DHRS7B: variants seen among roughly 807,000 people sequenced by gnomAD.
DHRS7B encodes the protein peroxisomal reductase activating PPAR-gamma.
DHRS7B carries 24 observed loss-of-function variants against 26.4 expected under a neutral mutation model. That is an observed-to-expected ratio of 0.91 (90% confidence interval 0.66 to 1.28). The LOEUF (loss-of-function observed/expected upper bound fraction) is 1.28, where lower values mean the gene tolerates loss of function less well. DHRS7B is among the 50% of genes most tolerant of loss of function. The pLI is 0.00. For missense variants in DHRS7B, 368 were observed against 419.4 expected, an observed-to-expected ratio of 0.88 and a Z score of 1.07; for synonymous variants, 142 against 166.4, an observed-to-expected ratio of 0.85 and a Z score of 1.13.
Position 21,141,351 on chromosome 17 carries a change from A to G in DHRS7B, c.20+14360A>G, listed in dbSNP as rs201157746. On this transcript the variant is annotated intron_variant, in intron 1 of 6. Coordinates refer to ENST00000395511, the MANE Select transcript of DHRS7B (RefSeq NM_015510.5). ...ATGCACACAGAAAAACTGAATTAAC[A>G]TTAAATTTGAGAGAAAAAGCAATAG... Among the ~76,000 whole-genome samples, 6 of 152,244 alleles carry G rather than the reference A, an allele frequency of 3.9e-5. No homozygotes were observed. In the East Asian group the frequency reaches 7.7e-4, roughly 20 times the overall value.
intron 3 of DHRS7B, among the ~76,000 whole-genome samples, chr17:21,179,037 T>C (rs1406346898): frequency 6.6e-6 from 1 of 152,190 alleles, no homozygotes. Context: ...CTTGAACTCC[T>C]GGGCTCAAGT....
Position 21,139,146 on chromosome 17 carries a change from T to C in DHRS7B, c.20+12155T>C, listed in dbSNP as rs545673695. On this transcript the variant is annotated intron_variant, in intron 1 of 6. Coordinates refer to ENST00000395511, the MANE Select transcript of DHRS7B (RefSeq NM_015510.5). ...TTTGAAACAAAGATGATAACAGTCCTTTCCCAAAAGAAACCTCCTTATTGC... is the reference window on the plus strand; with the variant it reads ...TTTGAAACAAAGATGATAACAGTCCCTTCCCAAAAGAAACCTCCTTATTGC... Among the ~76,000 whole-genome samples, 28 of 152,324 alleles carry C rather than the reference T, an allele frequency of 1.8e-4. No individual in the cohort carries two copies. In the South Asian group the frequency reaches 5.8e-3, roughly 32 times the overall value.
rs1974586618 is a variant in DHRS7B, at chr17:21,184,463, TGTGAGTAC to T, written c.619+1_619+8del. The T allele has an allele frequency of 6.2e-6, 10 of 1,613,064 alleles. No individual in the cohort carries two copies. The highest frequency in any genetic ancestry group is 8.5e-6 in the Non-Finnish European group (10 of 1,179,586). On this transcript the variant is annotated splice_donor_variant and splice_donor_5th_base_variant and intron_variant, in intron 5 of 6. Transcript: ENST00000395511. LOFTEE classifies it high-confidence loss of function. ...GATGAGCATTCCTTTTCGATCAGCA[TGTGAGTAC>T]TTCTCTCTCCCACAAAATGCTTGGC... is the stretch of plus-strand genomic sequence containing the variant.
At chr17:21,136,128 G>A (rs542080080) in intron 1 of DHRS7B, among the ~76,000 whole-genome samples, 6 of 152,012 alleles carry the variant, frequency 3.9e-5, no homozygotes, top group Admixed American at 6.6e-5. Context: ...GTGAAACCCC[G>A]TCTCTACTAA....
At chr17:21,162,060 T>G (rs1974011553) in intron 1 of DHRS7B, among the ~76,000 whole-genome samples, 1 of 151,702 alleles carries the variant, frequency 6.6e-6, no homozygotes, top group African/African-American at 2.4e-5. Flanking sequence ...TCATCCTAGA[T>G]AAATTACAGT....
intron 1 of DHRS7B, among the ~76,000 whole-genome samples, chr17:21,161,752 G>A (rs1005153610): frequency 6.6e-6 from 1 of 152,162 alleles, no homozygotes; most frequent in Non-Finnish European, 1.5e-5. Flanking sequence ...TTGCTAGGAC[G>A]CTTGGTAAAA....
At chr17:21,140,188 T>C (rs990522194) in intron 1 of DHRS7B, among the ~76,000 whole-genome samples, 1 of 151,918 alleles carries the variant, frequency 6.6e-6, no homozygotes, top group African/African-American at 2.4e-5. Flanking sequence ...TACACCCAGC[T>C]AATTTTTTGT....
intron 1 of DHRS7B, chr17:21,127,343 C>T: frequency 3.6e-6 from 1 of 275,136 alleles, no homozygotes; most frequent in African/African-American, 2.2e-5. Context: ...CACATTTCTG[C>T]GCGACGTAGG....
At chr17:21,138,094 A>G (rs1412005212) in intron 1 of DHRS7B, among the ~76,000 whole-genome samples, 1 of 64,542 alleles carries the variant, frequency 1.5e-5, no homozygotes, top group Non-Finnish European at 3.7e-5. Context: ...ATATATATAT[A>G]TATATATACA....
intron 1 of DHRS7B, chr17:21,168,868 A>G: frequency 1.0e-6 from 1 of 985,480 alleles, no homozygotes; most frequent in South Asian, 4.7e-5. Context: ...CAGGTGCTCA[A>G]GGAATCCCAG....
At chr17:21,154,505 A>G (rs951957494) in intron 1 of DHRS7B, among the ~76,000 whole-genome samples, 13 of 152,192 alleles carry the variant, frequency 8.5e-5, no homozygotes, top group African/African-American at 3.1e-4. Flanking sequence ...AAATTGGAGG[A>G]ATTTGTTGCT....
chr17:21,155,501 G>T (rs1331888226), intron 1 of DHRS7B, among the ~76,000 whole-genome samples: 1 of 152,194 alleles, frequency 6.6e-6, no homozygotes, highest in Admixed American at 6.5e-5. Context: ...TGATGGAACT[G>T]CAGGGAGAAA....
At position 21,191,018 on chromosome 17, in the gene DHRS7B, G is replaced by T. The variant is rs911539499; in HGVS notation, c.843G>T (p.Gly281=). 2 of 1,614,074 alleles carry T rather than the reference G, an allele frequency of 1.2e-6. No homozygotes were observed. The highest frequency in any genetic ancestry group is 1.6e-4 in the Middle Eastern group (1 of 6,080). ...EVAQDVLAAV[G]KKKKDVILAD... ...CCCAGGATGTTCTTGCTGCTGTGGGGAAGAAGAAGAAAGATGTGATCCTGG... is the reference window on the plus strand; with the variant it reads ...CCCAGGATGTTCTTGCTGCTGTGGGTAAGAAGAAGAAAGATGTGATCCTGG... Residue 281 remains glycine (G), a synonymous_variant, in exon 7 of 7, where the codon GGG becomes GGT. Coordinates refer to ENST00000395511, the MANE Select transcript of DHRS7B (RefSeq NM_015510.5).
intron 1 of DHRS7B, among the ~76,000 whole-genome samples, chr17:21,147,177 C>G (rs934790109): frequency 2.0e-5 from 3 of 152,038 alleles, no homozygotes; most frequent in African/African-American, 7.2e-5. Context: ...CTGAACAGAG[C>G]TGGGGGTCTT....
intron 5 of DHRS7B, among the ~76,000 whole-genome samples, chr17:21,184,895 G>A (rs918529713): frequency 6.6e-6 from 1 of 152,138 alleles, no homozygotes; most frequent in African/African-American, 2.4e-5. Flanking sequence ...ATTCAAACAT[G>A]CAAAAATGGA....
chr17:21,150,112 A>AAAAAAC (rs1973731865), intron 1 of DHRS7B, among the ~76,000 whole-genome samples: 1 of 133,056 alleles, frequency 7.5e-6, no homozygotes, highest in African/African-American at 2.7e-5. Context: ...ATTTAAAAAA[A>AAAAAAC]AAAAAAAAAA....
At position 21,183,599 on chromosome 17, in the gene DHRS7B, GAC is replaced by G; in HGVS notation, c.321_322del (p.His107GlnfsTer21). The G allele has an allele frequency of 6.2e-7, 1 of 1,612,786 alleles. No individual in the cohort carries two copies. The highest frequency in any genetic ancestry group is 8.5e-7 in the Non-Finnish European group (1 of 1,180,024). On this transcript the variant is annotated frameshift_variant, in exon 4 of 7. Coordinates refer to ENST00000395511, the MANE Select transcript of DHRS7B (RefSeq NM_015510.5). LOFTEE classifies it high-confidence loss of function. ...LTASHATKVQ[T>X]HKPYLVTFDL... ...TATCTGTTGTATTTGACCAGGTGCA[GAC>G]ACACAAGCCTTACTTGGTGACCTTC...
chr17:21,132,380 G>C (rs191103418), intron 1 of DHRS7B, among the ~76,000 whole-genome samples: 2 of 150,012 alleles, frequency 1.3e-5, no homozygotes, highest in South Asian at 2.1e-4. Flanking sequence ...TAGATAGATA[G>C]AGATATGCAG....
chr17:21,140,092 T>G (rs1258633319), intron 1 of DHRS7B, among the ~76,000 whole-genome samples: 1 of 138,666 alleles, frequency 7.2e-6, no homozygotes, highest in Non-Finnish European at 1.5e-5. Context: ...TGGCGTGATC[T>G]CTGCTCACTG....
Sources: allele counts gnomAD v4.1 joint callset (sites outside exome capture counted in the v4.1 genomes callset), GRCh38; gene constraint gnomAD v4.1.1; transcripts MANE v1.5; gene names NCBI Gene and HGNC (gene_info 2026-07-23, HGNC 2026-07-21).